MLIP: variants seen among roughly 807,000 people sequenced by gnomAD.
The protein encoded by MLIP is muscular LMNA-interacting protein.
A neutral mutation model predicts 84.8 loss-of-function variants in MLIP; 79 were observed. The ratio of observed to expected loss-of-function variants is 0.93; its 90% CI spans 0.78 to 1.12. The LOEUF (loss-of-function observed/expected upper bound fraction) is 1.12. Ranked by LOEUF, MLIP falls within the 50% of genes most tolerant of loss-of-function variation. The probability of loss-of-function intolerance (pLI) is 0.00; values close to 1 mark genes in which losing one functional copy is unlikely to be tolerated. For missense variants in MLIP, 1,257 were observed against 1,160.6 expected (o/e 1.08, Z -1.21); for synonymous variants, 504 against 463.0 (o/e 1.09, Z -1.14).
intron 1 of MLIP, among the ~76,000 whole-genome samples, chr6:54,078,831 A>G (rs966997533): frequency 6.6e-6 from 1 of 151,406 alleles, no homozygotes; most frequent in Non-Finnish European, 1.5e-5. Flanking sequence ...AGATGGGATT[A>G]TAGGCGCCTG....
At chr6:54,186,604 A>G (rs914723780) in intron 9 of MLIP, among the ~76,000 whole-genome samples, 2 of 152,316 alleles carry the variant, frequency 1.3e-5, no homozygotes, top group Non-Finnish European at 2.9e-5. Context: ...AAGGAGAAGC[A>G]AGGACTTTCT....
At chr6:54,103,624 C>T (rs1428244777) in intron 1 of MLIP, among the ~76,000 whole-genome samples, 1 of 152,120 alleles carries the variant, frequency 6.6e-6, no homozygotes, top group Non-Finnish European at 1.5e-5. Flanking sequence ...CTTCCAATCA[C>T]GGTTAGGTAG....
intron 1 of MLIP, among the ~76,000 whole-genome samples, chr6:54,019,552 G>A (rs1293001280): frequency 1.3e-5 from 2 of 152,102 alleles, no homozygotes; most frequent in Admixed American, 6.6e-5. Flanking sequence ...TTTTGCCATA[G>A]AAGTTATACA....
At chr6:54,138,675 C>G (rs981662712) in intron 4 of MLIP, among the ~76,000 whole-genome samples, 1 of 152,092 alleles carries the variant, frequency 6.6e-6, no homozygotes, top group East Asian at 1.9e-4. Context: ...CCCTAGCATC[C>G]ATCCAAATAT....
At chr6:54,093,230 G>A (rs1269965468) in intron 1 of MLIP, among the ~76,000 whole-genome samples, 1 of 152,004 alleles carries the variant, frequency 6.6e-6, no homozygotes, top group Non-Finnish European at 1.5e-5. Context: ...TGGTCCAGTG[G>A]CTTTCAAATT....
chr6:54,218,013 G>A (rs1323839344), intron 11 of MLIP: 14 of 985,194 alleles, frequency 1.4e-5, no homozygotes, highest in Non-Finnish European at 1.7e-5. Context: ...TCTCAAACAG[G>A]GGTCACAAAC....
chr6:54,188,104 A>T (rs529336708), intron 9 of MLIP, among the ~76,000 whole-genome samples: 2 of 152,326 alleles, frequency 1.3e-5, no homozygotes, highest in South Asian at 4.1e-4. Context: ...ATACAGTGTA[A>T]AAGATAAAAA....
intron 4 of MLIP, among the ~76,000 whole-genome samples, chr6:54,147,146 T>G (rs1300456168): frequency 6.6e-6 from 1 of 152,120 alleles, no homozygotes; most frequent in Non-Finnish European, 1.5e-5. Flanking sequence ...TAGAGTGAGA[T>G]GGTATATTTT....
At chr6:54,117,279 G>T (rs1286025811) in intron 1 of MLIP, among the ~76,000 whole-genome samples, 1 of 149,752 alleles carries the variant, frequency 6.7e-6, no homozygotes, top group Non-Finnish European at 1.5e-5. Flanking sequence ...ACAGTGGCCG[G>T]TCTAGGCTCA....
chr6:54,051,583 T>TG (rs1765375416), intron 1 of MLIP, among the ~76,000 whole-genome samples: 4 of 152,078 alleles, frequency 2.6e-5, no homozygotes, highest in Non-Finnish European at 5.9e-5. Flanking sequence ...TTAATCCTGA[T>TG]AGTCTCTATA....
At chr6:54,070,085 A>T (rs1019967132) in intron 1 of MLIP, among the ~76,000 whole-genome samples, 7 of 152,124 alleles carry the variant, frequency 4.6e-5, no homozygotes, top group Non-Finnish European at 7.3e-5. Flanking sequence ...TGTTACTTTT[A>T]GGGGTAAAGC....
chr6:54,097,701 C>T (rs191374451), intron 1 of MLIP, among the ~76,000 whole-genome samples: 23 of 152,190 alleles, frequency 1.5e-4, no homozygotes, highest in Admixed American at 1.1e-3. Context: ...AATCATCTAA[C>T]GTATGTTGAG....
chr6:54,238,653 CT>C (rs1781521256), intron 12 of MLIP, among the ~76,000 whole-genome samples: 2 of 152,148 alleles, frequency 1.3e-5, no homozygotes, highest in African/African-American at 4.8e-5. Flanking sequence ...CTTTTCTGAT[CT>C]GTTGGCAGAA....
At chr6:54,215,150 C>T (rs1452074328) in intron 11 of MLIP, 1 of 1,535,532 alleles carries the variant, frequency 6.5e-7, no homozygotes. Flanking sequence ...GCTGCACATT[C>T]TGTGGACTCC....
At chr6:54,047,076 C>T (rs1035915089) in intron 1 of MLIP, 3 of 152,104 alleles carry the variant, frequency 2.0e-5, no homozygotes, top group Admixed American at 1.3e-4. Context: ...TAATGATCCT[C>T]GAATGATTTC....
At chr6:54,115,186 G>A (rs1408486085) in intron 1 of MLIP, among the ~76,000 whole-genome samples, 1 of 152,156 alleles carries the variant, frequency 6.6e-6, no homozygotes, top group Admixed American at 6.5e-5. Flanking sequence ...GTGTGGTTGT[G>A]TGGTTTCCCC....
At chr6:54,169,476 T>C (rs1390493955) in intron 8 of MLIP, 52 bp from the exon 9 acceptor site, 4 of 1,281,824 alleles carry the variant, frequency 3.1e-6, no homozygotes, top group Non-Finnish European at 4.3e-6. Flanking sequence ...GTTGAGTCTA[T>C]TATTATTTAC....
chr6:54,208,612 G>GA (rs1377439263), intron 11 of MLIP, among the ~76,000 whole-genome samples: 1 of 151,774 alleles, frequency 6.6e-6, no homozygotes, highest in Non-Finnish European at 1.5e-5. Flanking sequence ...TGTTTGTAAG[G>GA]AAAAAAAGAT....
At chr6:54,062,765 A>C (rs994677309) in intron 1 of MLIP, among the ~76,000 whole-genome samples, 3 of 152,210 alleles carry the variant, frequency 2.0e-5, no homozygotes, top group Non-Finnish European at 4.4e-5. Context: ...TTATTGGAAA[A>C]CAAAACATAA....
Sources: gnomAD v4.1 joint callset for allele counts (sites outside exome capture counted in the v4.1 genomes callset) on GRCh38, gnomAD v4.1.1 for gene constraint, MANE v1.5 for transcripts, NCBI Gene and HGNC (gene_info 2026-07-23, HGNC 2026-07-21) for gene names.